WNK2: variants seen among roughly 807,000 people sequenced by gnomAD.
WNK2 encodes WNK lysine deficient protein kinase 2.
A neutral mutation model predicts 192.1 loss-of-function variants in WNK2; 67 were observed. The observed-to-expected ratio is 0.35, with a 90% CI of 0.29 to 0.43. The LOEUF is 0.43. WNK2 is among the 20% of genes least tolerant of loss of function. The pLI, the probability that WNK2 is intolerant of heterozygous loss-of-function variation, is 1.00. For synonymous variants in WNK2, 1,439 were observed against 1,393.9 expected (o/e 1.03, Z -0.72); for missense variants, 2,698 against 3,089.7 (o/e 0.87, Z 3.01).
intron 2 of WNK2, among the ~76,000 whole-genome samples, chr9:93,216,307 C>G (rs1252418755): frequency 6.6e-6 from 1 of 152,038 alleles, no homozygotes; most frequent in Admixed American, 6.6e-5. Flanking sequence ...AAATGTGAGC[C>G]ATATGTGCAA....
chr9:93,281,684 G>A (rs892862285), intron 19 of WNK2, among the ~76,000 whole-genome samples: 1 of 152,122 alleles, frequency 6.6e-6, no homozygotes, highest in African/African-American at 2.4e-5. Context: ...TCCAAACTCT[G>A]TAAGTTAAAA....
intron 23 of WNK2, among the ~76,000 whole-genome samples, chr9:93,296,697 C>T (rs1429695619): frequency 6.1e-5 from 5 of 82,200 alleles, no homozygotes; most frequent in African/African-American, 2.0e-4. Flanking sequence ...CCTCTCCATT[C>T]TCCCCTCACC....
intron 29 of WNK2, chr9:93,318,536 A>AT (rs771568842): frequency 6.2e-7 from 1 of 1,613,974 alleles, no homozygotes; most frequent in Non-Finnish European, 8.5e-7. Context: ...CATGCCCCCC[A>AT]TGCCAGTGGG....
intron 28 of WNK2, chr9:93,308,829 T>A: frequency 7.2e-7 from 1 of 1,393,638 alleles, no homozygotes; most frequent in African/African-American, 1.5e-5. Context: ...AGGCCAGGGC[T>A]GTGACTCCAC....
chr9:93,289,934 C>T (rs748800933), intron 20 of WNK2, 44 bp from the exon 21 acceptor site: 24 of 1,528,968 alleles, frequency 1.6e-5, no homozygotes, highest in South Asian at 1.4e-4. Flanking sequence ...AGATGCTGAC[C>T]TGTGAGTCTC....
At chr9:93,205,827 G>C (rs773609650) in intron 2 of WNK2, among the ~76,000 whole-genome samples, 1 of 152,140 alleles carries the variant, frequency 6.6e-6, no homozygotes, top group Non-Finnish European at 1.5e-5. Flanking sequence ...TCTTGCTGCT[G>C]GGGACACTGG....
Position 93,256,975 on chromosome 9 carries a change from C to T in WNK2, c.2218C>T (p.Leu740=), listed in dbSNP as rs775770143. ...QPPPLAQPTP[L]PQVLAPQPVV... The stretch of plus-strand genomic sequence containing the variant: ...TCCTCCGCTGGCCCAGCCGACACCC[C>T]TGCCGCAGGTCCTGGCCCCACAGCC... The change falls in exon 11 of 30, where the codon CTG becomes TTG. Residue 740 remains leucine, a synonymous_variant. Coordinates refer to ENST00000427277, the MANE Select transcript of WNK2 (RefSeq NM_006648.4). 3.8e-6 allele frequency: 6 copies of T among 1,587,280 alleles called. No homozygotes were observed. Among genetic ancestry groups the T allele is most frequent in the Admixed American group, 1.7e-5 (1 of 57,716 alleles).
At chr9:93,218,754 G>T (rs146727588) in intron 2 of WNK2, among the ~76,000 whole-genome samples, 4 of 152,250 alleles carry the variant, frequency 2.6e-5, no homozygotes, top group African/African-American at 9.6e-5. Flanking sequence ...CATGTTGGGG[G>T]TGTGTGTCTG....
chr9:93,283,476 C>T (rs983823718), intron 19 of WNK2, among the ~76,000 whole-genome samples: 1 of 152,176 alleles, frequency 6.6e-6, no homozygotes, highest in South Asian at 2.1e-4. Context: ...GACACTGCTA[C>T]AGTCCTACAA....
intron 2 of WNK2, among the ~76,000 whole-genome samples, chr9:93,214,259 T>C (rs1213554919): frequency 6.6e-6 from 1 of 151,994 alleles, no homozygotes; most frequent in Non-Finnish European, 1.5e-5. Context: ...AGATTAATAG[T>C]TTTTTTCTTC....
Position 93,238,265 on chromosome 9 carries a change from C to T in WNK2, c.1266C>T (p.His422=), listed in dbSNP as rs368674816. The T allele has an allele frequency of 3.5e-5, 56 of 1,613,826 alleles. No individual in the cohort carries two copies. Among genetic ancestry groups the T allele is most frequent in the Middle Eastern group, 1.6e-4 (1 of 6,084 alleles). Residue 422 remains histidine, a synonymous_variant, in exon 6 of 30, where the codon CAC becomes CAT. Transcript: ENST00000427277. ...AGCCGGCCAGCTTTGAGAAAGTGCA[C>T]GATCCTGAAATCAAGGAGATTATTG... The part of the protein sequence containing the change: ...GIKPASFEKV[H]DPEIKEIIGE...
chr9:93,188,636 G>A (rs1470615247), intron 2 of WNK2, among the ~76,000 whole-genome samples: 1 of 152,216 alleles, frequency 6.6e-6, no homozygotes, highest in East Asian at 1.9e-4. Context: ...CACATGTCCT[G>A]TGTTCCTGTG....
chr9:93,263,618 G>T lies in WNK2; in HGVS notation c.3463G>T (p.Gly1155Cys). 1 of 1,610,024 alleles carries T rather than the reference G, an allele frequency of 6.2e-7. No individual in the cohort carries two copies. The change falls in exon 15 of 30, where the codon GGC becomes TGC. Residue 1155 changes from glycine to cysteine, a missense_variant. By Grantham distance (159) the Gly-to-Cys change is radical (BLOSUM62 -3). Transcript: ENST00000427277. ...SGKELSDSCE[G>C]AFGGGRLEGR... ...AAAAGAGCTGAGTGACAGCTGTGAA[G>T]GCGCCTTTGGAGGGGGCAGGCTGGA...
chr9:93,238,219 T>C lies in WNK2; in HGVS notation c.1234-14T>C. Reference sequence around the variant, plus strand: ...AGCCGATCGGGTCAGGTAACTCTGCTCTCTCCCTGTCAGGGTATCAAGCCG... The same window carrying C: ...AGCCGATCGGGTCAGGTAACTCTGCCCTCTCCCTGTCAGGGTATCAAGCCG... On this transcript the variant is annotated splice_polypyrimidine_tract_variant and intron_variant, in intron 5 of 29. Transcript: ENST00000427277. The C allele has an allele frequency of 6.2e-7, 1 of 1,613,748 alleles. No homozygotes were observed. The highest frequency in any genetic ancestry group is 1.7e-4 in the Middle Eastern group (1 of 6,060).
rs746656288 is a variant in WNK2 at position 93,306,473 on chromosome 9, TTC to T, written c.6215-302_6215-301del. ...GCGGTGTGCTTTGCTTTTTTCTTTT[TTC>T]TTTTCTTTTTTCTTTCTCTTTTACT... On this transcript the variant is annotated intron_variant, in intron 26 of 29. Transcript: ENST00000427277. Among the ~76,000 whole-genome samples the T allele has an allele frequency of 4.5e-3, 681 of 152,136 alleles. 2 individuals are homozygous for T. Among genetic ancestry groups the T allele is most frequent in the Non-Finnish European group, 8.1e-3 (547 of 67,942 alleles).
chr9:93,208,157 G>A (rs1041188710), intron 2 of WNK2, among the ~76,000 whole-genome samples: 3 of 152,186 alleles, frequency 2.0e-5, no homozygotes, highest in African/African-American at 7.2e-5. Flanking sequence ...CTGGAGCAGG[G>A]GACGTCCCCA....
chr9:93,194,414 C>G (rs1211646698), intron 2 of WNK2, among the ~76,000 whole-genome samples: 2 of 152,172 alleles, frequency 1.3e-5, no homozygotes, highest in Non-Finnish European at 2.9e-5. Context: ...TTAACAGATA[C>G]CTCACCAAGG....
At chr9:93,301,521 G>C (rs991127985) in intron 26 of WNK2, among the ~76,000 whole-genome samples, 10 of 152,220 alleles carry the variant, frequency 6.6e-5, no homozygotes, top group African/African-American at 2.2e-4. Flanking sequence ...GTTGGTCTGG[G>C]GGTCTGGGTG....
chr9:93,233,158 A>C (rs1437618440), intron 4 of WNK2, among the ~76,000 whole-genome samples: 1 of 144,676 alleles, frequency 6.9e-6, no homozygotes, highest in Non-Finnish European at 1.5e-5. Flanking sequence ...TGTTCATGCC[A>C]CTGCACTCGA....
Sources: gnomAD v4.1 joint callset for allele counts (sites outside exome capture counted in the v4.1 genomes callset) on GRCh38, gnomAD v4.1.1 for gene constraint, MANE v1.5 for transcripts, NCBI Gene and HGNC (gene_info 2026-07-23, HGNC 2026-07-21) for gene names.